The following ATP9A variants were observed in gnomAD, a reference collection of about 807,000 sequenced individuals.
The protein encoded by ATP9A is ATPase phospholipid transporting 9A.
A neutral mutation model predicts 144.1 loss-of-function variants in ATP9A; 52 were observed. The observed-to-expected ratio is 0.36, with a 90% CI of 0.29 to 0.45. The LOEUF is 0.45. ATP9A is among the 20% of genes least tolerant of loss of function. The probability of loss-of-function intolerance (pLI) is 1.00; values close to 1 mark genes in which losing one functional copy is unlikely to be tolerated. For synonymous variants in ATP9A, 582 were observed against 557.4 expected (o/e 1.04, Z -0.62); for missense variants, 947 against 1,392.7 (o/e 0.68, Z 5.09).
Position 51,627,615 on chromosome 20 carries a change from C to T in ATP9A, c.1830G>A (p.Gln610=). 2 of 1,614,174 alleles carry T rather than the reference C, an allele frequency of 1.2e-6. No homozygotes were observed. Among genetic ancestry groups the T allele is most frequent in the Non-Finnish European group, 1.7e-6 (2 of 1,180,000 alleles). Reference sequence around the variant, plus strand: ...AACAACTTACTTCAAAGTCCTGATACTGCTCCTCTGCAAGAGACTTCTTTG... The same window carrying T: ...AACAACTTACTTCAAAGTCCTGATATTGCTCCTCTGCAAGAGACTTCTTTG... ...VVAKKSLAEE[Q]YQDFEARYVQ... Residue 610 remains glutamine, a synonymous_variant, in exon 17 of 28, where the codon CAG becomes CAA. Transcript: ENST00000338821.
chr20:51,657,391 C>T (rs183525715), intron 13 of ATP9A, among the ~76,000 whole-genome samples: 1 of 151,734 alleles, frequency 6.6e-6, no homozygotes, highest in South Asian at 2.1e-4. Flanking sequence ...TGAACGAGAA[C>T]GATTCTACCT....
chr20:51,603,756 C>T (rs1172319341), intron 27 of ATP9A, among the ~76,000 whole-genome samples: 1 of 142,464 alleles, frequency 7.0e-6, no homozygotes, highest in Admixed American at 7.2e-5. Context: ...TCTCTACATT[C>T]CCATAACATT....
intron 14 of ATP9A, among the ~76,000 whole-genome samples, chr20:51,655,042 G>A (rs918570509): frequency 9.2e-5 from 14 of 152,148 alleles, no homozygotes; most frequent in African/African-American, 3.1e-4. Flanking sequence ...TAAGGTGTAA[G>A]GATGTTCATT....
chr20:51,638,069 TTTTATATATATATATATA>T (rs1182792296), intron 15 of ATP9A, among the ~76,000 whole-genome samples: 1,909 of 73,110 alleles, frequency 0.026, 98 homozygotes, highest in Non-Finnish European at 0.036. Context: ...CATTTCATCA[TTTTATATATATATATATA>T]TATATATATA....
chr20:51,738,801 G>A (rs1485940250), intron 1 of ATP9A, among the ~76,000 whole-genome samples: 1 of 152,114 alleles, frequency 6.6e-6, no homozygotes, highest in Non-Finnish European at 1.5e-5. Flanking sequence ...GCTGGAGGGA[G>A]GCTGGGCGCG....
chr20:51,703,511 CTCAA>C (rs2077602973), intron 4 of ATP9A, among the ~76,000 whole-genome samples: 2 of 152,220 alleles, frequency 1.3e-5, no homozygotes. Context: ...CAAGTCGTCT[CTCAA>C]TCAGAGTTTG....
At chr20:51,678,500 C>T (rs778307911) in intron 9 of ATP9A, among the ~76,000 whole-genome samples, 29 of 152,292 alleles carry the variant, frequency 1.9e-4, no homozygotes, top group Admixed American at 4.6e-4. Flanking sequence ...TTCTCCAGCA[C>T]AATGCAGTTC....
At chr20:51,630,907 G>A (rs933015980) in intron 15 of ATP9A, among the ~76,000 whole-genome samples, 3 of 152,118 alleles carry the variant, frequency 2.0e-5, no homozygotes, top group Non-Finnish European at 4.4e-5. Context: ...TCCTGCTGGG[G>A]CACGCGGACC....
chr20:51,644,267 CTTTT>C (rs772071945), intron 14 of ATP9A, among the ~76,000 whole-genome samples: 21 of 76,018 alleles, frequency 2.8e-4, no homozygotes, highest in Admixed American at 2.4e-3. Flanking sequence ...TTACTTCTAG[CTTTT>C]TTTTTTTTTT....
chr20:51,753,529 C>G (rs1337844271), intron 1 of ATP9A, among the ~76,000 whole-genome samples: 2 of 152,138 alleles, frequency 1.3e-5, no homozygotes, highest in Non-Finnish European at 2.9e-5. Context: ...AAACAATGTA[C>G]ACGCAGAAAC....
chr20:51,759,761 C>G (rs2077871284), intron 1 of ATP9A, among the ~76,000 whole-genome samples: 1 of 152,164 alleles, frequency 6.6e-6, no homozygotes, highest in Admixed American at 6.6e-5. Context: ...ACTATCTCCA[C>G]TTTGTCAAAG....
Position 51,613,815 on chromosome 20 carries a change from C to T in ATP9A, c.2433G>A (p.Ser811=), listed in dbSNP as rs1005308262. 9.9e-6 allele frequency: 16 copies of T among 1,612,598 alleles called. No individual in the cohort carries two copies. The highest frequency in any genetic ancestry group is 5.0e-5 in the Admixed American group (3 of 59,904). ...GVEGKEGKQA[S]LAADFSITQF... is the part of the protein sequence containing the mutation. ...GAGTGATGGAGAAGTCTGCAGCCAA[C>T]GAAGCCTGTTTTCCTTCCTAAAATC... The change falls in exon 23 of 28, where the codon TCG becomes TCA. Residue 811 remains serine (S), a synonymous_variant. Transcript: ENST00000338821.
chr20:51,645,530 A>C (rs950666592), intron 14 of ATP9A, among the ~76,000 whole-genome samples: 6 of 115,528 alleles, frequency 5.2e-5, no homozygotes, highest in African/African-American at 1.6e-4. Context: ...AACAAACAAA[A>C]ACAAACAAAC....
At chr20:51,606,066 G>A (rs189202106) in intron 26 of ATP9A, among the ~76,000 whole-genome samples, 3 of 151,876 alleles carry the variant, frequency 2.0e-5, no homozygotes, top group Admixed American at 6.6e-5. Context: ...TCAGGAGTTC[G>A]AGACCAGCCT....
chr20:51,751,265 T>G (rs1344652123), intron 1 of ATP9A, among the ~76,000 whole-genome samples: 3 of 147,886 alleles, frequency 2.0e-5, no homozygotes, highest in East Asian at 2.0e-4. Flanking sequence ...TTTTTTGTTT[T>G]TTTTTTTTTT....
chr20:51,676,991 A>C (rs2077480237), intron 9 of ATP9A, among the ~76,000 whole-genome samples: 1 of 144,554 alleles, frequency 6.9e-6, no homozygotes, highest in South Asian at 2.2e-4. Context: ...GCAGTGGCAC[A>C]ATCATATTAA....
At chr20:51,607,388 G>T in intron 26 of ATP9A, 139 bp downstream of exon 26, 2 of 698,296 alleles carry the variant, frequency 2.9e-6, no homozygotes, top group Non-Finnish European at 5.0e-6. Context: ...GGTGAGCAGG[G>T]TCTCCCCTGG....
At position 51,617,558 on chromosome 20, in the gene ATP9A, C is replaced by T. The variant is rs768227361; in HGVS notation, c.2351-4G>A. ...CTGACGTCATTGCCTCCGTCCCCTG[C>T]GAGCCACACAGACCAGAGAGAAAAG... is the stretch of plus-strand genomic sequence containing the variant. On this transcript the variant is annotated splice_polypyrimidine_tract_variant and splice_region_variant and intron_variant, in intron 21 of 27. Coordinates refer to ENST00000338821, the MANE Select transcript of ATP9A (RefSeq NM_006045.3). 1.1e-5 allele frequency: 18 copies of T among 1,610,518 alleles called. No homozygotes were observed. The highest frequency in any genetic ancestry group is 2.7e-5 in the African/African-American group (2 of 74,808).
At chr20:51,675,063 C>G (rs1224204352) in intron 10 of ATP9A, among the ~76,000 whole-genome samples, 2 of 152,138 alleles carry the variant, frequency 1.3e-5, no homozygotes, top group Non-Finnish European at 2.9e-5. Context: ...CCACCTGCCT[C>G]GGCCTCCCAA....
Sources: gnomAD v4.1 joint callset for allele counts (sites outside exome capture counted in the v4.1 genomes callset) on GRCh38, gnomAD v4.1.1 for gene constraint, MANE v1.5 for transcripts, NCBI Gene and HGNC (gene_info 2026-07-23, HGNC 2026-07-21) for gene names.